TBC1D8B: variants seen among roughly 807,000 people sequenced by gnomAD.
The protein encoded by TBC1D8B is RP11-321G1.1.
In TBC1D8B, 75 loss-of-function variants were observed where a neutral mutation model predicts 82.9. The ratio of observed to expected loss-of-function variants is 0.90; its 90% CI spans 0.75 to 1.10. The LOEUF (loss-of-function observed/expected upper bound fraction) is 1.10. Ranked by LOEUF, TBC1D8B falls within the 50% of genes least tolerant of loss-of-function variation. The probability of loss-of-function intolerance (pLI) is 0.00; values close to 1 mark genes in which losing one functional copy is unlikely to be tolerated. For synonymous variants in TBC1D8B, 276 were observed against 276.8 expected, an observed-to-expected ratio of 1.00 and a Z score of 0.03; for missense variants, 794 against 796.9, an observed-to-expected ratio of 1.00 and a Z score of 0.04.
intron 1 of TBC1D8B, among the ~76,000 whole-genome samples, chrX:106,805,445 C>T (rs779493321): frequency 3.6e-5 from 4 of 110,535 alleles, no homozygotes; most frequent in Non-Finnish European, 7.6e-5. Context: ...CTCTATCCTG[C>T]CCACTCCATT....
chrX:106,810,103 C>G (rs1028878225), intron 1 of TBC1D8B, among the ~76,000 whole-genome samples: 6 of 111,592 alleles, frequency 5.4e-5, no homozygotes, highest in African/African-American at 2.0e-4. Flanking sequence ...GTATGCTTAT[C>G]TGAAGTCCTG....
In TBC1D8B at chrX:106,854,316, G is replaced by C; in HGVS notation, c.2352+20G>C. 9.6e-7 allele frequency: 1 copy of C among 1,044,102 alleles called. No individual in the cohort carries two copies. Among genetic ancestry groups the C allele is most frequent in the Non-Finnish European group, 1.3e-6 (1 of 780,905 alleles). The allele number at this position is 1,044,102 out of a possible 1,213,427, so 86.0% of individuals were successfully genotyped here. The stretch of plus-strand genomic sequence containing the variant: ...AATGTGGTAAGTATGCAACCAATGA[G>C]GAAAAACCAGTTGGAGTAATTTTTT... On this transcript the variant is annotated intron_variant, in intron 14 of 20. Transcript: ENST00000357242.
Position 106,870,791 on chromosome X carries a change from A to T in TBC1D8B, c.2945A>T (p.Lys982Met), listed in dbSNP as rs746647614. The change falls in exon 20 of 21, where the codon AAG (lysine) becomes ATG (methionine). Residue 982 changes from lysine (K) to methionine (M), a missense_variant. Transcript: ENST00000357242. ...CTTTTCAAAAAAGAAGAAAACATTA[A>T]GGATTTACCAAGAATGAATCAGGTA... The part of the protein sequence containing the change: ...DELFKKEENI[K>M]DLPRMNQSQF... 1 of 1,195,249 alleles carries T rather than the reference A, an allele frequency of 8.4e-7. No individual in the cohort carries two copies. Among genetic ancestry groups the T allele is most frequent in the Non-Finnish European group, 1.1e-6 (1 of 885,470 alleles).
At position 106,865,818 on chromosome X, in the gene TBC1D8B, G is replaced by A. The variant is rs773126904; in HGVS notation, c.2447G>A (p.Trp816Ter). ...AAAGAGCTGTTTTTATCTTGTTATTGGTGTTTGGGTTGCCCAGTATTGAAG... is the reference window on the plus strand; with the variant it reads ...AAAGAGCTGTTTTTATCTTGTTATTAGTGTTTGGGTTGCCCAGTATTGAAG... Reference protein sequence around the residue: ...FKKELFLSCYWCLGCPVLKHH... With the variant: ...FKKELFLSCY Residue 816 changes from tryptophan (W) to a stop codon, truncating the protein, a stop_gained, in exon 16 of 21, where the codon TGG becomes TAG. Transcript: ENST00000357242. LOFTEE classifies it high-confidence loss of function. 10 of 1,201,386 alleles carry A rather than the reference G, an allele frequency of 8.3e-6. No individual in the cohort carries two copies. In the Admixed American group the frequency reaches 1.8e-4, roughly 21 times the overall value.
intron 10 of TBC1D8B, among the ~76,000 whole-genome samples, chrX:106,842,065 A>G: frequency 9.0e-6 from 1 of 111,401 alleles, no homozygotes; most frequent in Non-Finnish European, 1.9e-5. Context: ...GTTTATTTAT[A>G]ATGGGTTGAA....
intron 11 of TBC1D8B, chrX:106,849,216 G>C (rs777037152): frequency 3.1e-6 from 3 of 956,645 alleles, no homozygotes; most frequent in Non-Finnish European, 4.2e-6. Context: ...ATAATTATTT[G>C]TGTATTTTTT....
chrX:106,821,081 T>C, intron 3 of TBC1D8B, 86 bp downstream of exon 3: 3 of 490,889 alleles, frequency 6.1e-6, no homozygotes, highest in Non-Finnish European at 1.0e-5. Context: ...TGGAAGGTCA[T>C]TGTTTCACTG....
Position 106,802,890 on chromosome X carries a change from GC to G in TBC1D8B, c.38del (p.Ala13GlyfsTer2), listed in dbSNP as rs1355125115. The G allele has an allele frequency of 8.3e-7, 1 of 1,211,498 alleles. No individual in the cohort carries two copies. Among genetic ancestry groups the G allele is most frequent in the Non-Finnish European group, 1.1e-6 (1 of 895,399 alleles). On this transcript the variant is annotated frameshift_variant, in exon 1 of 21. Transcript: ENST00000357242. LOFTEE classifies it high-confidence loss of function. The part of the protein sequence containing the change: ...LKPEEVLLKN[A>X]LKLWLMERSN... ...GCCTGAGGAAGTGCTTCTGAAAAAT[GC>G]GCTGAAGCTGTGGCTGATGGAAAGG...
intron 12 of TBC1D8B, among the ~76,000 whole-genome samples, chrX:106,852,855 C>T (rs1932619619): frequency 1.8e-5 from 2 of 111,729 alleles, no homozygotes; most frequent in African/African-American, 3.3e-5. Context: ...AGTCAGGTAG[C>T]ATGATGCCTC....
intron 17 of TBC1D8B, 27 bp downstream of exon 17, chrX:106,866,889 G>C: frequency 9.5e-7 from 1 of 1,048,436 alleles, no homozygotes; most frequent in Non-Finnish European, 1.3e-6. Flanking sequence ...CTTTAACGAT[G>C]TACAGCAGGA....
chrX:106,832,249 A>G (rs1311388657), intron 7 of TBC1D8B, among the ~76,000 whole-genome samples: 3 of 111,624 alleles, frequency 2.7e-5, no homozygotes, highest in Non-Finnish European at 5.7e-5. Context: ...TCCTACCAGA[A>G]GTAATTGAAA....
chrX:106,851,749 A>C (rs1247791249), intron 12 of TBC1D8B, among the ~76,000 whole-genome samples: 1 of 111,813 alleles, frequency 8.9e-6, no homozygotes. Flanking sequence ...TGAACTCATC[A>C]TTTTTTATGG....
chrX:106,844,761 C>T (rs375766631), intron 10 of TBC1D8B, among the ~76,000 whole-genome samples: 3 of 109,837 alleles, frequency 2.7e-5, no homozygotes, highest in African/African-American at 9.9e-5. Context: ...AGTTGGATAG[C>T]GTTTCCTCCT....
At chrX:106,814,031 C>A (rs1051248252) in intron 1 of TBC1D8B, 11 of 104,987 alleles carry the variant, frequency 1.0e-4, no homozygotes, top group Non-Finnish European at 1.8e-4. Context: ...CAACAGGCCC[C>A]AGAGTGTGAT....
Position 106,802,955 on chromosome X carries a change from C to T in TBC1D8B, c.102C>T (p.Tyr34=), listed in dbSNP as rs1931072961. ...TCGTGCTGCAGCGGCGTCGGGGCTA[C>T]GGGGAGGAAGGCGGAGGGGGGCTCA... The part of the protein sequence containing the change: ...DYFVLQRRRG[Y]GEEGGGGLTG... The change falls in exon 1 of 21, where the codon TAC becomes TAT. Residue 34 remains tyrosine (Y), a synonymous_variant. Coordinates refer to ENST00000357242, the MANE Select transcript of TBC1D8B (RefSeq NM_017752.3). The T allele has an allele frequency of 8.3e-7, 1 of 1,208,794 alleles. No homozygotes were observed. The highest frequency in any genetic ancestry group is 3.0e-5 in the East Asian group (1 of 33,739).
In TBC1D8B at chrX:106,853,594, G is replaced by GA. The variant is rs756327003; in HGVS notation, c.2203dup (p.Thr735AsnfsTer5). ...TCAGCAAGGTTCAAATGTGAGTGAT[G>GA]AAAAAACCAGTCATACTAGAGTGGA... is the stretch of plus-strand genomic sequence containing the variant. On this transcript the variant is annotated frameshift_variant, in exon 13 of 21. Coordinates refer to ENST00000357242, the MANE Select transcript of TBC1D8B (RefSeq NM_017752.3). LOFTEE classifies it high-confidence loss of function. The GA allele has an allele frequency of 1.3e-5, 16 of 1,207,191 alleles. No individual in the cohort carries two copies. Among genetic ancestry groups the GA allele is most frequent in the Non-Finnish European group, 1.8e-5 (16 of 893,039 alleles).
intron 1 of TBC1D8B, among the ~76,000 whole-genome samples, chrX:106,806,116 A>G (rs1234595770): frequency 8.9e-6 from 1 of 112,325 alleles, no homozygotes; most frequent in Non-Finnish European, 1.9e-5. Context: ...TAGCAGCAAC[A>G]GAGAACTCAA....
At chrX:106,809,407 G>A (rs1462749263) in intron 1 of TBC1D8B, among the ~76,000 whole-genome samples, 3 of 111,524 alleles carry the variant, frequency 2.7e-5, no homozygotes, top group African/African-American at 9.8e-5. Flanking sequence ...GTCTGGGAAG[G>A]CCTCTTAGGA....
At position 106,867,486 on chromosome X, in the gene TBC1D8B, G is replaced by C. The variant is rs946632371; in HGVS notation, c.2728+624G>C. Among the ~76,000 whole-genome samples the C allele has an allele frequency of 2.7e-5, 3 of 111,434 alleles. No individual in the cohort carries two copies. In the Admixed American group the frequency reaches 2.9e-4, roughly 11 times the overall value. On this transcript the variant is annotated intron_variant, in intron 17 of 20. Transcript: ENST00000357242. ...TAAATTGCATAGCAAACTGAAGTCT[G>C]ACTCCAAAGCTCACATTTCTTTATA... is the stretch of plus-strand genomic sequence containing the variant.
Sources: gnomAD v4.1 joint callset for allele counts (sites outside exome capture counted in the v4.1 genomes callset) on GRCh38, gnomAD v4.1.1 for gene constraint, MANE v1.5 for transcripts, NCBI Gene and HGNC (gene_info 2026-07-23, HGNC 2026-07-21) for gene names.